Variants in ARHGAP42 observed in about 807,000 individuals in gnomAD.
The protein encoded by ARHGAP42 is Rho GTPase activating protein 42.
Under a neutral mutation model 125.0 loss-of-function variants are expected in ARHGAP42, and 63 were observed. The ratio of observed to expected loss-of-function variants is 0.50; its 90% CI spans 0.41 to 0.62. ARHGAP42 has a LOEUF of 0.62. ARHGAP42 is among the 20% of genes least tolerant of loss of function. The pLI is 0.00. For synonymous variants in ARHGAP42, 339 were observed against 351.0 expected (o/e 0.97, Z 0.38); for missense variants, 766 against 1,024.2 (o/e 0.75, Z 3.44).
chr11:100,992,155 T>C lies in ARHGAP42; in HGVS notation c.*3354T>C. 1 of 789,292 alleles carries C rather than the reference T, an allele frequency of 1.3e-6. No individual in the cohort carries two copies. The highest frequency in any genetic ancestry group is 2.0e-6 in the Non-Finnish European group (1 of 511,878). The allele number at this position is 789,292 out of a possible 1,614,324, so 48.9% of individuals were successfully genotyped here. A position where few individuals can be genotyped will look rare whatever the true frequency, so the allele number is the denominator to read the frequency against. ...CTTTGCCTCAAGCAATTTCAAATTG[T>C]AGTGATACCTTAAATCATGTATTCA... On this transcript the variant is annotated 3_prime_UTR_variant, in exon 24 of 24. Transcript: ENST00000298815.
chr11:100,754,895 C>G (rs1361175413), intron 1 of ARHGAP42, among the ~76,000 whole-genome samples: 1 of 152,176 alleles, frequency 6.6e-6, no homozygotes, highest in Non-Finnish European at 1.5e-5. Context: ...AAGTGCTGTG[C>G]TTATCCAGCT....
rs142251328 is a variant in ARHGAP42, at chr11:100,737,076, G to A, written c.155-33267G>A. On this transcript the variant is annotated intron_variant, in intron 1 of 23. Transcript: ENST00000298815. ...CTATTCTATGTTAAAAGGGATTAAG[G>A]GATCTCAGAGACATAAGGAAATATA... Among the ~76,000 whole-genome samples the A allele has an allele frequency of 2.4e-3, 366 of 152,250 alleles. 2 individuals are homozygous for A. Among genetic ancestry groups the A allele is most frequent in the African/African-American group, 8.2e-3 (342 of 41,546 alleles).
chr11:100,954,503 C>A (rs769854283), intron 12 of ARHGAP42, among the ~76,000 whole-genome samples: 2 of 152,044 alleles, frequency 1.3e-5, no homozygotes, highest in African/African-American at 2.4e-5. Flanking sequence ...CAAGTGTACC[C>A]GTGTATCTAT....
intron 23 of ARHGAP42, among the ~76,000 whole-genome samples, chr11:100,987,904 C>T (rs997448245): frequency 2.6e-5 from 4 of 152,170 alleles, no homozygotes; most frequent in East Asian, 3.9e-4. Context: ...CCAAGGCGGG[C>T]GGATCATGAG....
At chr11:100,880,886 G>T (rs1422366456) in intron 4 of ARHGAP42, among the ~76,000 whole-genome samples, 1 of 152,026 alleles carries the variant, frequency 6.6e-6, no homozygotes, top group African/African-American at 2.4e-5. Context: ...TTGGCCATTT[G>T]TATACCTTCT....
intron 3 of ARHGAP42, among the ~76,000 whole-genome samples, chr11:100,797,473 C>T (rs1455516256): frequency 6.6e-6 from 1 of 152,050 alleles, no homozygotes. Flanking sequence ...ATCCTAGGGC[C>T]CTTAAGAATT....
At chr11:100,748,969 T>A (rs71476645) in intron 1 of ARHGAP42, among the ~76,000 whole-genome samples, 8 of 152,138 alleles carry the variant, frequency 5.3e-5, no homozygotes, top group African/African-American at 1.4e-4. Flanking sequence ...TCCCTCTTTG[T>A]CTCTCTGTCT....
chr11:100,834,856 TTC>T (rs1491288183), intron 3 of ARHGAP42, among the ~76,000 whole-genome samples: 2 of 151,302 alleles, frequency 1.3e-5, no homozygotes, highest in African/African-American at 2.4e-5. Flanking sequence ...TTTTTTTTTT[TTC>T]TTTGTTTTTT....
intron 4 of ARHGAP42, among the ~76,000 whole-genome samples, chr11:100,872,002 C>G (rs768606340): frequency 3.9e-5 from 6 of 152,156 alleles, no homozygotes; most frequent in Non-Finnish European, 7.3e-5. Flanking sequence ...CTCAGCCTCC[C>G]CAAGTGCTGG....
intron 2 of ARHGAP42, among the ~76,000 whole-genome samples, chr11:100,788,548 G>A (rs764399575): frequency 6.6e-6 from 1 of 152,132 alleles, no homozygotes; most frequent in Non-Finnish European, 1.5e-5. Flanking sequence ...TTGCAAGTGA[G>A]CATCCGTGGA....
Position 100,976,582 on chromosome 11 carries a change from A to C in ARHGAP42, c.2236+145A>C, listed in dbSNP as rs142272854. On this transcript the variant is annotated intron_variant, in intron 20 of 23. Coordinates refer to ENST00000298815, the MANE Select transcript of ARHGAP42 (RefSeq NM_152432.4). ...TTTTTTCCTGTGCTTGGATTTTACA[A>C]CCTAGGCACTGTGACATTTTTCCTG... is the stretch of plus-strand genomic sequence containing the variant. The C allele has an allele frequency of 7.9e-5, 99 of 1,254,526 alleles. No homozygotes were observed. The African/African-American group carries it at 1.3e-3, about 17-fold the overall frequency. 77.7% of individuals were successfully genotyped at this position (1,254,526 alleles called of 1,614,324 possible). A position where few individuals can be genotyped will look rare whatever the true frequency, so the allele number is the denominator to read the frequency against.
At chr11:100,721,482 T>A (rs937807706) in intron 1 of ARHGAP42, among the ~76,000 whole-genome samples, 1 of 151,758 alleles carries the variant, frequency 6.6e-6, no homozygotes, top group Non-Finnish European at 1.5e-5. Context: ...TTCTTTTCTT[T>A]TTTTTTTGGA....
rs544555916 is a variant in ARHGAP42 at position 100,783,075 on chromosome 11, C to A, written c.251-12030C>A. Among the ~76,000 whole-genome samples the A allele has an allele frequency of 1.1e-3, 160 of 152,190 alleles. 1 individual carries two copies. Among genetic ancestry groups the A allele is most frequent in the Non-Finnish European group, 1.6e-3 (112 of 68,030 alleles). On this transcript the variant is annotated intron_variant, in intron 2 of 23. Transcript: ENST00000298815. The stretch of plus-strand genomic sequence containing the variant: ...AAGGCAAACTCCCCAGGGTGATGAC[C>A]GTAAGATCCTTTAATTTTATGGAGA...
intron 3 of ARHGAP42, among the ~76,000 whole-genome samples, chr11:100,818,372 C>T (rs886971859): frequency 1.3e-5 from 2 of 152,086 alleles, no homozygotes; most frequent in African/African-American, 2.4e-5. Context: ...ATGTACATAA[C>T]GTCAGTGATG....
rs182099799 is a variant in ARHGAP42, at chr11:100,779,331, G to A, written c.250+8893G>A. Reference sequence around the variant, plus strand: ...CTTGTGGCACATGCCTGTAATCCCAGCTACTCGAGAGGCTGAGGGAGGAGA... The same window carrying A: ...CTTGTGGCACATGCCTGTAATCCCAACTACTCGAGAGGCTGAGGGAGGAGA... On this transcript the variant is annotated intron_variant, in intron 2 of 23. Transcript: ENST00000298815. Among the ~76,000 whole-genome samples the A allele has an allele frequency of 2.2e-3, 336 of 150,756 alleles. 2 individuals carry two copies. Among genetic ancestry groups the A allele is most frequent in the African/African-American group, 7.7e-3 (315 of 41,132 alleles).
chr11:100,903,879 G>A (rs113875518), intron 4 of ARHGAP42, among the ~76,000 whole-genome samples: 97 of 151,590 alleles, frequency 6.4e-4, no homozygotes, highest in Middle Eastern at 3.4e-3. Flanking sequence ...CTTGGAATCC[G>A]ATGTTCGAGG....
At chr11:100,801,593 AT>A (rs201928061) in intron 3 of ARHGAP42, among the ~76,000 whole-genome samples, 4 of 151,936 alleles carry the variant, frequency 2.6e-5, no homozygotes, top group East Asian at 1.9e-4. Flanking sequence ...AATATTGAGG[AT>A]TTTTTTTGTT....
intron 5 of ARHGAP42, 26 bp downstream of exon 5, chr11:100,913,579 G>T (rs921100642): frequency 8.3e-6 from 10 of 1,207,212 alleles, no homozygotes; most frequent in Non-Finnish European, 9.8e-6. Context: ...TGAAATAATG[G>T]AAAAGGCATT....
chr11:100,834,717 A>C (rs1864741863), intron 3 of ARHGAP42, among the ~76,000 whole-genome samples: 1 of 152,070 alleles, frequency 6.6e-6, no homozygotes, highest in Non-Finnish European at 1.5e-5. Context: ...TAGCCAAAAA[A>C]AGAATAGAGG....
Sources: allele counts gnomAD v4.1 joint callset (sites outside exome capture counted in the v4.1 genomes callset), GRCh38; gene constraint gnomAD v4.1.1; transcripts MANE v1.5; gene names NCBI Gene and HGNC (gene_info 2026-07-23, HGNC 2026-07-21).